PID1: variants seen among roughly 807,000 people sequenced by gnomAD.
PID1 encodes phosphotyrosine interaction domain containing 1.
In PID1, 10 loss-of-function variants were observed where a neutral mutation model predicts 19.1. The ratio of observed to expected loss-of-function variants is 0.52; its 90% CI spans 0.32 to 0.89. The LOEUF is 0.89. Ranked by LOEUF, PID1 falls within the 40% of genes least tolerant of loss-of-function variation. The pLI is 0.03. For synonymous variants in PID1, 130 were observed against 116.0 expected (o/e 1.12, Z -0.78); for missense variants, 248 against 285.3 (o/e 0.87, Z 0.94).
At chr2:229,142,852 A>G (rs992030022) in intron 2 of PID1, among the ~76,000 whole-genome samples, 1 of 151,862 alleles carries the variant, frequency 6.6e-6, no homozygotes, top group African/African-American at 2.4e-5. Flanking sequence ...CTGGGTATAT[A>G]CCCAAAGGAC....
chr2:229,053,108 G>A (rs1198801565), intron 2 of PID1, among the ~76,000 whole-genome samples: 1 of 152,144 alleles, frequency 6.6e-6, no homozygotes, highest in Non-Finnish European at 1.5e-5. Context: ...ATAGGTAGAA[G>A]GCAGATTTCT....
chr2:229,176,648 A>G (rs1420250691), intron 1 of PID1, among the ~76,000 whole-genome samples: 1 of 152,236 alleles, frequency 6.6e-6, no homozygotes, highest in Non-Finnish European at 1.5e-5. Flanking sequence ...CCTTATCATG[A>G]AAAAGAAGAC....
chr2:229,190,211 A>T (rs1414335696), intron 1 of PID1, among the ~76,000 whole-genome samples: 1 of 152,228 alleles, frequency 6.6e-6, no homozygotes, highest in African/African-American at 2.4e-5. Context: ...ACCTAACAAG[A>T]TGTGTCAATT....
chr2:229,216,349 G>C (rs1691845992), intron 1 of PID1, among the ~76,000 whole-genome samples: 1 of 152,186 alleles, frequency 6.6e-6, no homozygotes, highest in South Asian at 2.1e-4. Context: ...GATACTGACA[G>C]TCTGCTTCTC....
At chr2:229,255,423 G>GT (rs1276395153) in intron 1 of PID1, among the ~76,000 whole-genome samples, 4 of 152,168 alleles carry the variant, frequency 2.6e-5, no homozygotes, top group Non-Finnish European at 4.4e-5. Context: ...GCTTTTGAGT[G>GT]TTTTTTGGTG....
At chr2:229,241,966 C>T (rs1439588801) in intron 1 of PID1, among the ~76,000 whole-genome samples, 1 of 152,108 alleles carries the variant, frequency 6.6e-6, no homozygotes, top group East Asian at 1.9e-4. Flanking sequence ...CACAGTACCT[C>T]TTAAGCACAG....
intron 2 of PID1, among the ~76,000 whole-genome samples, chr2:229,027,784 C>T (rs532043800): frequency 2.8e-4 from 42 of 152,312 alleles, no homozygotes; most frequent in Non-Finnish European, 5.6e-4. Flanking sequence ...AAGCGGTAGC[C>T]TAAGACAGCC....
At chr2:229,055,452 G>A (rs527504549) in intron 2 of PID1, among the ~76,000 whole-genome samples, 1 of 152,252 alleles carries the variant, frequency 6.6e-6, no homozygotes, top group Admixed American at 6.5e-5. Flanking sequence ...TAAAAGATAA[G>A]CAGAGGAAAA....
At chr2:229,109,935 T>A (rs1212792891) in intron 2 of PID1, among the ~76,000 whole-genome samples, 2 of 152,138 alleles carry the variant, frequency 1.3e-5, no homozygotes. Context: ...TTCCACCTTA[T>A]CATGCAGAAC....
At chr2:229,106,506 A>G (rs1396104291) in intron 2 of PID1, among the ~76,000 whole-genome samples, 2 of 152,212 alleles carry the variant, frequency 1.3e-5, no homozygotes, top group Non-Finnish European at 2.9e-5. Flanking sequence ...ATTGATAGAT[A>G]GGGTCTTTAG....
intron 2 of PID1, among the ~76,000 whole-genome samples, chr2:229,069,142 T>TA: frequency 7.1e-6 from 1 of 140,178 alleles, no homozygotes; most frequent in Non-Finnish European, 1.5e-5. Flanking sequence ...GAGAAGGGTT[T>TA]TTGTGTGTGT....
chr2:229,039,178 T>C (rs945119979), intron 2 of PID1, among the ~76,000 whole-genome samples: 16 of 152,214 alleles, frequency 1.1e-4, no homozygotes, highest in African/African-American at 3.9e-4. Context: ...TGCTTTCTAA[T>C]TATTTGGTTA....
chr2:229,103,385 A>ATGT (rs1695111898), intron 2 of PID1, among the ~76,000 whole-genome samples: 1 of 152,122 alleles, frequency 6.6e-6, no homozygotes, highest in Admixed American at 6.5e-5. Context: ...GCCCCAAGGC[A>ATGT]TGTTGGATGA....
chr2:229,231,503 G>A (rs4973179), intron 1 of PID1, among the ~76,000 whole-genome samples: 2 of 151,968 alleles, frequency 1.3e-5, no homozygotes, highest in South Asian at 2.1e-4. Flanking sequence ...GGCATTTAAC[G>A]TGTGCTCTCT....
chr2:229,052,615 T>C (rs1694018428), intron 2 of PID1, among the ~76,000 whole-genome samples: 1 of 152,046 alleles, frequency 6.6e-6, no homozygotes, highest in Admixed American at 6.6e-5. Context: ...TATGTGTTGG[T>C]TTACTTTCTC....
At chr2:229,180,796 C>T (rs937199027) in intron 1 of PID1, among the ~76,000 whole-genome samples, 2 of 152,210 alleles carry the variant, frequency 1.3e-5, no homozygotes, top group Non-Finnish European at 2.9e-5. Flanking sequence ...ACTCCGGATT[C>T]GGGGATCTGA....
chr2:229,121,015 C>T (rs113878849), intron 2 of PID1, among the ~76,000 whole-genome samples: 1,652 of 152,180 alleles, frequency 0.011, 40 homozygotes, highest in African/African-American at 0.035. Flanking sequence ...CAGCATCATG[C>T]GCATTGAACT....
Position 229,255,791 on chromosome 2 carries a change from T to C in PID1, c.30+15223A>G, listed in dbSNP as rs75129127. On this transcript the variant is annotated intron_variant, in intron 1 of 2. Coordinates refer to ENST00000392055, the MANE Select transcript of PID1 (RefSeq NM_001100818.2). The stretch of plus-strand genomic sequence containing the variant: ...CTCCCAGATGCTCTGGATTAGAAAA[T>C]AGGATAAGCCCCAACACTTCTAGTT... Among the ~76,000 whole-genome samples the C allele has an allele frequency of 4.6e-5, 7 of 152,070 alleles. No homozygotes were observed. In the East Asian group the frequency reaches 1.4e-3, roughly 30 times the overall value.
chr2:229,251,954 AAAAAAAAAAGAAAAGCTT>A, intron 1 of PID1, among the ~76,000 whole-genome samples: 1 of 151,648 alleles, frequency 6.6e-6, no homozygotes, highest in African/African-American at 2.4e-5. Flanking sequence ...TAAAAAAAAA[AAAAAAAAAAGAAAAGCTT>A]AAAAAAAAGA....
Sources: gnomAD v4.1 joint callset for allele counts (sites outside exome capture counted in the v4.1 genomes callset) on GRCh38, gnomAD v4.1.1 for gene constraint, MANE v1.5 for transcripts, NCBI Gene and HGNC (gene_info 2026-07-23, HGNC 2026-07-21) for gene names.